The following SLC7A5 variants were observed in gnomAD, a reference collection of about 807,000 sequenced individuals.
SLC7A5 encodes solute carrier family 7 member 5.
In SLC7A5, 23 loss-of-function variants were observed where a neutral mutation model predicts 50.2. The ratio of observed to expected loss-of-function variants is 0.46; its 90% CI spans 0.33 to 0.65. SLC7A5 has a LOEUF of 0.65. SLC7A5 is among the 30% of genes least tolerant of loss of function. The probability of loss-of-function intolerance (pLI) is 0.02; values close to 1 mark genes in which losing one functional copy is unlikely to be tolerated. For synonymous variants in SLC7A5, 393 were observed against 330.6 expected (o/e 1.19, Z -2.05); for missense variants, 578 against 684.4 (o/e 0.84, Z 1.73).
rs190669937 is a variant in SLC7A5, at chr16:87,866,700, C to A, written c.538+2185G>T. Among the ~76,000 whole-genome samples the A allele has an allele frequency of 1.5e-4, 23 of 152,242 alleles. No individual in the cohort carries two copies. In the East Asian group the frequency reaches 3.9e-3, roughly 26 times the overall value. On this transcript the variant is annotated intron_variant, in intron 1 of 9. Transcript: ENST00000261622. ...CAGGCTGGTCTCGAACTCCTGACTT[C>A]AGGTGATCCGCCTGCCTCGGCCTCC...
rs941614761 is a variant in SLC7A5 at position 87,852,057 on chromosome 16, C to G, written c.539-208G>C. Among the ~76,000 whole-genome samples the G allele has an allele frequency of 2.6e-5, 4 of 152,118 alleles. No homozygotes were observed. The highest frequency in any genetic ancestry group is 5.9e-5 in the Non-Finnish European group (4 of 68,016). ...GATAAACTTCGCAGTCCTTTCAGGT[C>G]TAAGGGCTGGATCCCAGGTGCCCCT... On this transcript the variant is annotated intron_variant, in intron 1 of 9. Transcript: ENST00000261622. This position sits in a 1 kb window ranked among gnomAD's most constrained non-coding sequence, Gnocchi z 4.5.
At chr16:87,859,187 C>G (rs2055357531) in intron 1 of SLC7A5, among the ~76,000 whole-genome samples, 1 of 152,236 alleles carries the variant, frequency 6.6e-6, no homozygotes, top group Non-Finnish European at 1.5e-5. Context: ...CCGGGCCACA[C>G]AGCTTGAGGG....
chr16:87,858,971 A>G (rs2055354750), intron 1 of SLC7A5, among the ~76,000 whole-genome samples: 2 of 152,216 alleles, frequency 1.3e-5, no homozygotes, highest in South Asian at 4.1e-4. Flanking sequence ...GCAGGACCTG[A>G]AGCCATCTCA....
At chr16:87,854,588 G>C (rs1013216625) in intron 1 of SLC7A5, among the ~76,000 whole-genome samples, 2 of 152,234 alleles carry the variant, frequency 1.3e-5, no homozygotes, top group African/African-American at 4.8e-5. Flanking sequence ...GATCGACAGG[G>C]CTGTGCCCTG....
At position 87,831,398 on chromosome 16, in the gene SLC7A5, G is replaced by T. The variant is rs901057284; in HGVS notation, c.*1572C>A. ...TTCTCCGGGCCCACTGGATGGTGAGGGGGTCCCGGTGCCCAGGCGGGGGCG... is the reference window on the plus strand; with the variant it reads ...TTCTCCGGGCCCACTGGATGGTGAGTGGGTCCCGGTGCCCAGGCGGGGGCG... On this transcript the variant is annotated 3_prime_UTR_variant, in exon 10 of 10. Transcript: ENST00000261622. 4 of 152,280 alleles carry T rather than the reference G, an allele frequency of 2.6e-5. No individual in the cohort carries two copies. Among genetic ancestry groups the T allele is most frequent in the African/African-American group, 7.2e-5 (3 of 41,458 alleles). The allele number at this position is 152,280 out of a possible 1,614,324, so 9.4% of individuals were successfully genotyped here.
rs1018822566 is a variant in SLC7A5 at position 87,837,829 on chromosome 16, C to T, written c.1140+16G>A. The T allele has an allele frequency of 5.2e-5, 83 of 1,589,594 alleles. No homozygotes were observed. The highest frequency in any genetic ancestry group is 6.7e-5 in the Non-Finnish European group (78 of 1,167,834). On this transcript the variant is annotated intron_variant, in intron 7 of 9. Transcript: ENST00000261622. ...CCCCCAGGGATGTAGGGCACAGGGC[C>T]GTGCAGCAGGCTTACCGTGAACACG...
chr16:87,855,923 C>G (rs947928285), intron 1 of SLC7A5, among the ~76,000 whole-genome samples: 1 of 152,340 alleles, frequency 6.6e-6, no homozygotes, highest in South Asian at 2.1e-4. Flanking sequence ...AATGAAAATC[C>G]TCTCTGTTGG....
At chr16:87,842,310 C>T (rs1355325630) in intron 2 of SLC7A5, among the ~76,000 whole-genome samples, 1 of 152,228 alleles carries the variant, frequency 6.6e-6, no homozygotes, top group African/African-American at 2.4e-5. Context: ...CCTGGGGCTG[C>T]TGTGTCCCAA....
chr16:87,858,743 G>A (rs962149885), intron 1 of SLC7A5, among the ~76,000 whole-genome samples: 3 of 152,122 alleles, frequency 2.0e-5, no homozygotes, highest in African/African-American at 4.8e-5. Flanking sequence ...CCTGGCCAGC[G>A]TCCAAGCCAG....
rs542321326 is a variant in SLC7A5, at chr16:87,852,638, C to G, written c.539-789G>C. ...CTGTAAGGCACCCAGCTCTGAGCCTCTGTGTGTGTGTGTGTGTGTGTGTGT... is the reference window on the plus strand; with the variant it reads ...CTGTAAGGCACCCAGCTCTGAGCCTGTGTGTGTGTGTGTGTGTGTGTGTGT... On this transcript the variant is annotated intron_variant, in intron 1 of 9. Coordinates refer to ENST00000261622, the MANE Select transcript of SLC7A5 (RefSeq NM_003486.7). This position sits in a 1 kb window ranked among gnomAD's most constrained non-coding sequence, Gnocchi z 4.5. Among the ~76,000 whole-genome samples the G allele has an allele frequency of 5.0e-4, 58 of 116,850 alleles. No homozygotes were observed. Among genetic ancestry groups the G allele is most frequent in the Middle Eastern group, 4.2e-3 (1 of 240 alleles). 76.7% of individuals were successfully genotyped at this position (116,850 alleles called of 152,430 possible). A position where few individuals can be genotyped will look rare whatever the true frequency, so the allele number is the denominator to read the frequency against.
intron 6 of SLC7A5, 104 bp from the exon 7 acceptor site, chr16:87,838,045 C>G: frequency 1.1e-6 from 1 of 894,560 alleles, no homozygotes; most frequent in Non-Finnish European, 1.8e-6. Context: ...CCTGGCTTGT[C>G]TGGGCCTCTC....
At chr16:87,838,099 CCT>C (rs2055034503) in intron 6 of SLC7A5, among the ~76,000 whole-genome samples, 158 bp from the exon 7 acceptor site, 1 of 152,206 alleles carries the variant, frequency 6.6e-6, no homozygotes, top group Non-Finnish European at 1.5e-5. Flanking sequence ...TGGCTGTGGG[CCT>C]CTCAGTTCCC....
At chr16:87,854,533 G>C (rs1427042325) in intron 1 of SLC7A5, among the ~76,000 whole-genome samples, 1 of 152,242 alleles carries the variant, frequency 6.6e-6, no homozygotes, top group African/African-American at 2.4e-5. Flanking sequence ...CCAAGCCTCA[G>C]TGTCCACACC....
rs1175678095 is a variant in SLC7A5 at position 87,862,746 on chromosome 16, C to T, written c.538+6139G>A. On this transcript the variant is annotated intron_variant, in intron 1 of 9. Transcript: ENST00000261622. This position sits in a 1 kb window ranked among gnomAD's most constrained non-coding sequence, Gnocchi z 5.3. ...AGACACCTGGCGCTGGGGCCAATCC[C>T]ATTCCACAGTCAGAAACAGGCTCGG... is the stretch of plus-strand genomic sequence containing the variant. Among the ~76,000 whole-genome samples the T allele has an allele frequency of 6.6e-6, 1 of 152,264 alleles. No individual in the cohort carries two copies. Among genetic ancestry groups the T allele is most frequent in the Non-Finnish European group, 1.5e-5 (1 of 68,046 alleles).
intron 1 of SLC7A5, among the ~76,000 whole-genome samples, chr16:87,855,296 G>C (rs2055302008): frequency 6.6e-6 from 1 of 152,090 alleles, no homozygotes; most frequent in South Asian, 2.1e-4. Flanking sequence ...CCCCATCTCT[G>C]GGGTGGGGCC....
At chr16:87,849,460 A>T (rs1033924927) in intron 2 of SLC7A5, among the ~76,000 whole-genome samples, 1 of 152,234 alleles carries the variant, frequency 6.6e-6, no homozygotes, top group Non-Finnish European at 1.5e-5. Flanking sequence ...TTATGTATTC[A>T]AGTCGAACAA....
chr16:87,859,915 A>T, intron 1 of SLC7A5, among the ~76,000 whole-genome samples: 1 of 103,602 alleles, frequency 9.7e-6, no homozygotes, highest in Non-Finnish European at 2.1e-5. Context: ...TGGGTGACAA[A>T]AACAAAACAA....
rs567766105 is a variant in SLC7A5, at chr16:87,831,995, G to A, written c.*975C>T. The A allele has an allele frequency of 6.5e-6, 1 of 152,966 alleles. No homozygotes were observed. Among genetic ancestry groups the A allele is most frequent in the Admixed American group, 6.5e-5 (1 of 15,322 alleles). The allele number at this position is 152,966 out of a possible 1,614,324, so 9.5% of individuals were successfully genotyped here. A position where few individuals can be genotyped will look rare whatever the true frequency, so the allele number is the denominator to read the frequency against. On this transcript the variant is annotated 3_prime_UTR_variant, in exon 10 of 10. Transcript: ENST00000261622. ...AGTGGGAACCCAGCACCGGCCAGAA[G>A]GGGCTGCCGGGCGGTACAGAGGCCA...
In SLC7A5 at chr16:87,834,417, T is replaced by C. The variant is rs759073537; in HGVS notation, c.1465A>G (p.Ile489Val). The C allele has an allele frequency of 4.5e-6, 7 of 1,553,282 alleles. No homozygotes were observed. The East Asian group carries it at 9.7e-5, about 21-fold the overall frequency. The change falls in exon 9 of 10, where the codon ATC becomes GTC. Residue 489 changes from isoleucine to valine, a missense_variant. By Grantham distance (29) the Ile-to-Val change is conservative (BLOSUM62 3). Coordinates refer to ENST00000261622, the MANE Select transcript of SLC7A5 (RefSeq NM_003486.7). ...TGTGGGCCAGCGAGATACTCACAGA[T>C]GCCCTGGAGGAGCCACTTGGGCTTG... is the stretch of plus-strand genomic sequence containing the variant. Reference protein sequence around the residue: ...KNKPKWLLQGIFSTTVLCQKL... With the variant: ...KNKPKWLLQGVFSTTVLCQKL...
Sources: allele counts gnomAD v4.1 joint callset (sites outside exome capture counted in the v4.1 genomes callset), GRCh38; gene constraint gnomAD v4.1.1; non-coding constraint Gnocchi (gnomAD v3.1); transcripts MANE v1.5; gene names NCBI Gene and HGNC (gene_info 2026-07-23, HGNC 2026-07-21).